FOSL2: variants seen among roughly 807,000 people sequenced by gnomAD.
The protein encoded by FOSL2 is FOS like 2, AP-1 transcription factor subunit.
Under a neutral mutation model 27.7 loss-of-function variants are expected in FOSL2, and 3 were observed. The observed-to-expected ratio is 0.11, with a 90% CI of 0.05 to 0.28. The LOEUF (loss-of-function observed/expected upper bound fraction) is 0.28, where lower values mean the gene tolerates loss of function less well. Among genes scored for constraint, FOSL2 ranks in the 10% least tolerant of loss-of-function variants. The pLI, the probability that FOSL2 is intolerant of heterozygous loss-of-function variation, is 1.00. For missense variants in FOSL2, 333 were observed against 445.1 expected, an observed-to-expected ratio of 0.75 and a Z score of 2.27; for synonymous variants, 179 against 190.1, an observed-to-expected ratio of 0.94 and a Z score of 0.48.
Position 28,412,758 on chromosome 2 carries a change from C to T in FOSL2, c.*310C>T, listed in dbSNP as rs1449764850. ...GGCTTCTGAAGAGCCTGAAGCTGGCCTGGACCATTCCTGTCCCTTTGTTAC... is the reference window on the plus strand; with the variant it reads ...GGCTTCTGAAGAGCCTGAAGCTGGCTTGGACCATTCCTGTCCCTTTGTTAC... On this transcript the variant is annotated 3_prime_UTR_variant, in exon 4 of 4. Coordinates refer to ENST00000264716, the MANE Select transcript of FOSL2 (RefSeq NM_005253.4). This position sits in a 1 kb window ranked among gnomAD's most constrained non-coding sequence, Gnocchi z 7.1. 5.3e-6 allele frequency: 2 copies of T among 380,890 alleles called. No homozygotes were observed. The highest frequency in any genetic ancestry group is 4.9e-6 in the Non-Finnish European group (1 of 204,958). The allele number at this position is 380,890 out of a possible 1,614,324, so 23.6% of individuals were successfully genotyped here.
chr2:28,393,675 G>T lies in FOSL2; in HGVS notation c.-46G>T. ...CCGGTGCGCGGCCGCGGCGAGGGCG[G>T]GGGAAGAAAAACACCCTGTTTCCTC... On this transcript the variant is annotated 5_prime_UTR_variant, in exon 1 of 4. Transcript: ENST00000264716. The surrounding 1 kb of genome is among the most constrained non-coding windows in gnomAD (Gnocchi z 4.6). 1.4e-6 allele frequency: 2 copies of T among 1,426,326 alleles called. No individual in the cohort carries two copies. The highest frequency in any genetic ancestry group is 1.9e-6 in the Non-Finnish European group (2 of 1,037,124). 88.4% of individuals were successfully genotyped at this position (1,426,326 alleles called of 1,614,324 possible).
chr2:28,415,722 C>T lies in FOSL2; in HGVS notation c.*3274C>T, dbSNP rs1005504469. 6.6e-6 allele frequency: 1 copy of T among 152,194 alleles called. No homozygotes were observed. The highest frequency in any genetic ancestry group is 2.4e-5 in the African/African-American group (1 of 41,446). 9.4% of individuals were successfully genotyped at this position (152,194 alleles called of 1,614,324 possible). ...ACGATGTGCCAGGCACTGTGTTAGGCGCTTTTATATAGATCCTCGTTAGGA... is the reference window on the plus strand; with the variant it reads ...ACGATGTGCCAGGCACTGTGTTAGGTGCTTTTATATAGATCCTCGTTAGGA... On this transcript the variant is annotated 3_prime_UTR_variant, in exon 4 of 4. Coordinates refer to ENST00000264716, the MANE Select transcript of FOSL2 (RefSeq NM_005253.4).
intron 3 of FOSL2, among the ~76,000 whole-genome samples, chr2:28,409,333 T>A (rs1166012254): frequency 6.6e-6 from 1 of 152,162 alleles, no homozygotes; most frequent in Non-Finnish European, 1.5e-5. Context: ...GGGAGAAGTC[T>A]TGATGGAGAT....
chr2:28,401,197 T>A (rs1238324340), intron 1 of FOSL2, among the ~76,000 whole-genome samples: 1 of 151,638 alleles, frequency 6.6e-6, no homozygotes, highest in Non-Finnish European at 1.5e-5. Flanking sequence ...TGGAGCAATG[T>A]TTCTCAACCC....
chr2:28,399,150 A>G (rs772703059), intron 1 of FOSL2, among the ~76,000 whole-genome samples: 1 of 152,236 alleles, frequency 6.6e-6, no homozygotes, highest in Non-Finnish European at 1.5e-5. Context: ...ACAGGGCTTC[A>G]TGGCTTGAAT....
chr2:28,393,016 G>A lies in FOSL2; in HGVS notation c.-705G>A. On this transcript the variant is annotated 5_prime_UTR_variant, in exon 1 of 4. Coordinates refer to ENST00000264716, the MANE Select transcript of FOSL2 (RefSeq NM_005253.4). The surrounding 1 kb of genome is among the most constrained non-coding windows in gnomAD (Gnocchi z 4.6). ...GGCCCGTCCGGGAGCGGGCTCCGGGGAAGGGGTGCGGGTCTGGGCGCCGGA... is the reference window on the plus strand; with the variant it reads ...GGCCCGTCCGGGAGCGGGCTCCGGGAAAGGGGTGCGGGTCTGGGCGCCGGA... The A allele has an allele frequency of 1.6e-6, 1 of 617,610 alleles. No homozygotes were observed. The highest frequency in any genetic ancestry group is 2.2e-5 in the Admixed American group (1 of 45,104). The allele number at this position is 617,610 out of a possible 1,614,324, so 38.3% of individuals were successfully genotyped here. A position where few individuals can be genotyped will look rare whatever the true frequency, so the allele number is the denominator to read the frequency against.
rs909101550 is a variant in FOSL2 at position 28,392,911 on chromosome 2, G to T, written c.-810G>T. The T allele has an allele frequency of 5.6e-6, 4 of 714,190 alleles. No individual in the cohort carries two copies. The highest frequency in any genetic ancestry group is 1.0e-5 in the Non-Finnish European group (4 of 383,106). 44.2% of individuals were successfully genotyped at this position (714,190 alleles called of 1,614,324 possible). On this transcript the variant is annotated 5_prime_UTR_variant, in exon 1 of 4. Coordinates refer to ENST00000264716, the MANE Select transcript of FOSL2 (RefSeq NM_005253.4). ...GGGCTCCGAGCGAACCAGCGAGCGA[G>T]CGAACGAGCGGCGCTCGGCGGGGAC... is the stretch of plus-strand genomic sequence containing the variant.
rs556774052 is a variant in FOSL2 at position 28,392,941 on chromosome 2, AGAGG to A, written c.-776_-773del. 5.7e-6 allele frequency: 4 copies of A among 700,326 alleles called. No homozygotes were observed. Among genetic ancestry groups the A allele is most frequent in the African/African-American group, 1.9e-5 (1 of 53,586 alleles). The allele number at this position is 700,326 out of a possible 1,614,324, so 43.4% of individuals were successfully genotyped here. Reference sequence around the variant, plus strand: ...CGAGCGGCGCTCGGCGGGGACAGAAAGAGGGAGAGAGAGAGAGAGAGAGAGGGAG... The same window carrying A: ...CGAGCGGCGCTCGGCGGGGACAGAAAGAGAGAGAGAGAGAGAGAGAGGGAG... On this transcript the variant is annotated 5_prime_UTR_variant, in exon 1 of 4. Transcript: ENST00000264716.
intron 1 of FOSL2, among the ~76,000 whole-genome samples, chr2:28,403,712 G>T (rs894714802): frequency 6.6e-6 from 1 of 152,154 alleles, no homozygotes; most frequent in Non-Finnish European, 1.5e-5. Flanking sequence ...GTTGGCAGGC[G>T]ACTCAGAGGC....
intron 2 of FOSL2, among the ~76,000 whole-genome samples, chr2:28,406,837 C>T (rs1490327351): frequency 6.6e-6 from 1 of 152,208 alleles, no homozygotes; most frequent in Non-Finnish European, 1.5e-5. Flanking sequence ...TAGGGAGGAG[C>T]CTGCCTCCGG....
intron 1 of FOSL2, among the ~76,000 whole-genome samples, chr2:28,402,635 G>C (rs538956605): frequency 6.6e-6 from 1 of 152,284 alleles, no homozygotes; most frequent in East Asian, 1.9e-4. Context: ...ACAGACCTGT[G>C]GTACCTTCTT....
chr2:28,408,851 A>G lies in FOSL2; in HGVS notation c.447A>G (p.Thr149=). 6.2e-7 allele frequency: 1 copy of G among 1,610,292 alleles called. No homozygotes were observed. The highest frequency in any genetic ancestry group is 8.5e-7 in the Non-Finnish European group (1 of 1,178,234). The change falls in exon 3 of 4, where the codon ACA becomes ACG. Residue 149 remains threonine (T), a synonymous_variant. Coordinates refer to ENST00000264716, the MANE Select transcript of FOSL2 (RefSeq NM_005253.4). The surrounding 1 kb of genome is among the most constrained non-coding windows in gnomAD (Gnocchi z 4.1). The part of the protein sequence containing the change: ...AKCRNRRREL[T]EKLQAETEEL... ...GCCGGAACCGACGCCGGGAGCTGAC[A>G]GAGAAGCTGCAGGCGGTGAGGAACT... is the stretch of plus-strand genomic sequence containing the variant.
At chr2:28,405,071 G>A (rs906298854) in intron 2 of FOSL2, among the ~76,000 whole-genome samples, 2 of 152,168 alleles carry the variant, frequency 1.3e-5, no homozygotes, top group Non-Finnish European at 2.9e-5. Flanking sequence ...AATGGGGAAG[G>A]GGGGGCTCTG....
rs1447619750 is a variant in FOSL2, at chr2:28,415,079, A to G, written c.*2631A>G. On this transcript the variant is annotated 3_prime_UTR_variant, in exon 4 of 4. Coordinates refer to ENST00000264716, the MANE Select transcript of FOSL2 (RefSeq NM_005253.4). ...ACCAGACACCTCCATGGCTCCAGCT[A>G]TGGGAACAGCTGCATTGGGGCTGCC... 3.9e-5 allele frequency: 6 copies of G among 152,242 alleles called. No homozygotes were observed. The highest frequency in any genetic ancestry group is 1.4e-4 in the African/African-American group (6 of 41,430). 9.4% of individuals were successfully genotyped at this position (152,242 alleles called of 1,614,324 possible).
rs1365875077 is a variant in FOSL2 at position 28,393,530 on chromosome 2, G to A, written c.-191G>A. On this transcript the variant is annotated 5_prime_UTR_variant, in exon 1 of 4. Transcript: ENST00000264716. This position sits in a 1 kb window ranked among gnomAD's most constrained non-coding sequence, Gnocchi z 4.6. ...AAAGAAGTGCTGTAAGGGACGCTCGGGGGACGCTGTTCCTGAGGTGTCGCC... is the reference window on the plus strand; with the variant it reads ...AAAGAAGTGCTGTAAGGGACGCTCGAGGGACGCTGTTCCTGAGGTGTCGCC... The A allele has an allele frequency of 1.6e-5, 9 of 556,460 alleles. No individual in the cohort carries two copies. The highest frequency in any genetic ancestry group is 2.6e-5 in the Non-Finnish European group (8 of 312,268). The allele number at this position is 556,460 out of a possible 1,614,324, so 34.5% of individuals were successfully genotyped here.
At chr2:28,410,118 C>T (rs1664161192) in intron 3 of FOSL2, among the ~76,000 whole-genome samples, 1 of 152,226 alleles carries the variant, frequency 6.6e-6, no homozygotes, top group South Asian at 2.1e-4. Flanking sequence ...GCAGCCCTCA[C>T]TCTGGGGTGT....
chr2:28,400,351 T>C (rs1663943947), intron 1 of FOSL2, among the ~76,000 whole-genome samples: 1 of 152,238 alleles, frequency 6.6e-6, no homozygotes, highest in Non-Finnish European at 1.5e-5. Context: ...TCTATTGGCA[T>C]AGAAGAATGC....
At position 28,393,980 on chromosome 2, in the gene FOSL2, C is replaced by G. The variant is rs960931251; in HGVS notation, c.102+158C>G. On this transcript the variant is annotated intron_variant, in intron 1 of 3. Coordinates refer to ENST00000264716, the MANE Select transcript of FOSL2 (RefSeq NM_005253.4). This position sits in a 1 kb window ranked among gnomAD's most constrained non-coding sequence, Gnocchi z 4.6. Reference sequence around the variant, plus strand: ...TTTTCGTCCTCCCCTTCCCCCCCACCCCCTTTTAAACTAGGGGATTGGAGA... The same window carrying G: ...TTTTCGTCCTCCCCTTCCCCCCCACGCCCTTTTAAACTAGGGGATTGGAGA... 7.2e-5 allele frequency among the ~76,000 whole-genome samples: 11 copies of G among 151,978 alleles called. No homozygotes were observed. Among genetic ancestry groups the G allele is most frequent in the African/African-American group, 2.7e-4 (11 of 41,388 alleles).
chr2:28,414,119 T>C lies in FOSL2; in HGVS notation c.*1671T>C. ...TGCGGGGCTTGTGCTCTGCAAAGAC[T>C]CTGCTGCTGGGGATTCAGCTCTAGA... On this transcript the variant is annotated 3_prime_UTR_variant, in exon 4 of 4. Transcript: ENST00000264716. 1 of 331,994 alleles carries C rather than the reference T, an allele frequency of 3.0e-6. No homozygotes were observed. The allele number at this position is 331,994 out of a possible 1,614,324, so 20.6% of individuals were successfully genotyped here.
Sources: gnomAD v4.1 joint callset for allele counts (sites outside exome capture counted in the v4.1 genomes callset) on GRCh38, gnomAD v4.1.1 for gene constraint, Gnocchi (gnomAD v3.1) non-coding constraint, MANE v1.5 for transcripts, NCBI Gene and HGNC (gene_info 2026-07-23, HGNC 2026-07-21) for gene names.